The following PPP1R9B variants were observed in gnomAD, a reference collection of about 807,000 sequenced individuals.
PPP1R9B encodes protein phosphatase 1 regulatory subunit 9B, also known as neurabin-2.
In PPP1R9B, 17 loss-of-function variants were observed where a neutral mutation model predicts 75.8. The observed-to-expected ratio is 0.22, with a 90% confidence interval of 0.15 to 0.34. The LOEUF (loss-of-function observed/expected upper bound fraction) is 0.34. PPP1R9B is among the 10% of genes least tolerant of loss of function. The pLI, the probability that PPP1R9B is intolerant of heterozygous loss-of-function variation, is 1.00. For missense variants in PPP1R9B, 875 were observed against 1,196.0 expected (o/e 0.73, Z 3.96); for synonymous variants, 509 against 535.4 (o/e 0.95, Z 0.68).
At position 50,142,950 on chromosome 17, in the gene PPP1R9B, C is replaced by T. The variant is rs1912423319; in HGVS notation, c.1625+648G>A. Among the ~76,000 whole-genome samples, 1 of 152,182 alleles carries T rather than the reference C, an allele frequency of 6.6e-6. No individual in the cohort carries two copies. The highest frequency in any genetic ancestry group is 1.5e-5 in the Non-Finnish European group (1 of 68,030). On this transcript the variant is annotated intron_variant, in intron 3 of 9. Coordinates refer to ENST00000612501, the MANE Select transcript of PPP1R9B (RefSeq NM_032595.5). This position sits in a 1 kb window ranked among gnomAD's most constrained non-coding sequence, Gnocchi z 4.1. ...AGCCACACCTGCCTGCTCATGGCGC[C>T]ACTGCCTGGAACCTCTGCACTCACT... is the stretch of plus-strand genomic sequence containing the variant.
chr17:50,146,951 G>A (rs186911548), intron 1 of PPP1R9B, among the ~76,000 whole-genome samples: 164 of 152,240 alleles, frequency 1.1e-3, no homozygotes, highest in Non-Finnish European at 1.8e-3. Context: ...GGAGTCCCCT[G>A]ACTCTCACCC....
chr17:50,149,186 G>A lies in PPP1R9B; in HGVS notation c.1328C>T (p.Pro443Leu), dbSNP rs774774430. The A allele has an allele frequency of 6.3e-7, 1 of 1,582,318 alleles. No individual in the cohort carries two copies. The highest frequency in any genetic ancestry group is 1.1e-5 in the South Asian group (1 of 87,930). ...GAAATGGATCTTCCGGCTCGGGGCT[G>A]GGTCCTCCTCCTCCGACAGCCCCGG... is the stretch of plus-strand genomic sequence containing the variant. ...EIPGLSEEED[P>L]APSRKIHFST... is the part of the protein sequence containing the mutation. Residue 443 changes from proline (P) to leucine (L), a missense_variant, in exon 1 of 10, where the codon CCA (proline) becomes CTA (leucine). By Grantham distance (98) the Pro-to-Leu change is moderately conservative. Transcript: ENST00000612501. The surrounding 1 kb of genome is among the most constrained non-coding windows in gnomAD (Gnocchi z 7.2).
chr17:50,140,544 A>C (rs1912348578), intron 4 of PPP1R9B, among the ~76,000 whole-genome samples: 1 of 152,122 alleles, frequency 6.6e-6, no homozygotes, highest in African/African-American at 2.4e-5. Flanking sequence ...GGAGAAAATG[A>C]GGCAGGGAAA....
Position 50,135,801 on chromosome 17 carries a change from T to C in PPP1R9B, c.2304-152A>G. 4 of 877,250 alleles carry C rather than the reference T, an allele frequency of 4.6e-6. 1 individual carries two copies. The highest frequency in any genetic ancestry group is 1.7e-5 in the South Asian group (1 of 57,732). The allele number at this position is 877,250 out of a possible 1,614,324, so 54.3% of individuals were successfully genotyped here. On this transcript the variant is annotated intron_variant, in intron 8 of 9. Transcript: ENST00000612501. Reference sequence around the variant, plus strand: ...GGTTTTCCCAAAGCCTCTGGGGGTCTGGCTCTGTGCTGGCTCTGATGCCTG... The same window carrying C: ...GGTTTTCCCAAAGCCTCTGGGGGTCCGGCTCTGTGCTGGCTCTGATGCCTG...
intron 4 of PPP1R9B, among the ~76,000 whole-genome samples, chr17:50,141,007 C>G (rs1263514812): frequency 6.6e-6 from 1 of 152,050 alleles, no homozygotes; most frequent in Non-Finnish European, 1.5e-5. Flanking sequence ...GGAGAAGAAG[C>G]CCTAGAGGAC....
At chr17:50,147,410 G>A (rs1912543556) in intron 1 of PPP1R9B, among the ~76,000 whole-genome samples, 1 of 152,216 alleles carries the variant, frequency 6.6e-6, no homozygotes. Context: ...TGGGGCCCCT[G>A]TGCCAGGGTG....
Position 50,149,986 on chromosome 17 carries a change from G to A in PPP1R9B, c.528C>T (p.Ala176=). 3 of 1,505,996 alleles carry A rather than the reference G, an allele frequency of 2.0e-6. No individual in the cohort carries two copies. The highest frequency in any genetic ancestry group is 2.6e-6 in the Non-Finnish European group (3 of 1,136,426). 93.3% of individuals were successfully genotyped at this position (1,505,996 alleles called of 1,614,324 possible). ...AARRLLRQER[A]GLQDRKLDVV... ...CGTCCAGCTTCCGGTCCTGCAGGCC[G>A]GCGCGCTCCTGCCTCAGCAGCCGCC... The change falls in exon 1 of 10, where the codon GCC becomes GCT. Residue 176 remains alanine (A), a synonymous_variant. Transcript: ENST00000612501. The surrounding 1 kb of genome is among the most constrained non-coding windows in gnomAD (Gnocchi z 7.2).
Position 50,144,374 on chromosome 17 carries a change from A to G in PPP1R9B, c.1505-656T>C, listed in dbSNP as rs949733488. Reference sequence around the variant, plus strand: ...CTGGAGATCTTTCCAGTCCACCCACACCCGCTCTGCCATCTTCCTGTCCAC... The same window carrying G: ...CTGGAGATCTTTCCAGTCCACCCACGCCCGCTCTGCCATCTTCCTGTCCAC... On this transcript the variant is annotated intron_variant, in intron 2 of 9. Transcript: ENST00000612501. 5.3e-5 allele frequency among the ~76,000 whole-genome samples: 8 copies of G among 151,576 alleles called. No individual in the cohort carries two copies. In the Middle Eastern group the frequency reaches 0.01, roughly 193 times the overall value.
At chr17:50,135,500 C>G in intron 9 of PPP1R9B, 53 bp downstream of exon 9, 1 of 1,584,982 alleles carries the variant, frequency 6.3e-7, no homozygotes. Flanking sequence ...AGGGTAGGGG[C>G]TTCAATGCTG....
In PPP1R9B at chr17:50,139,696, T is replaced by A; in HGVS notation, c.1867-115A>T. On this transcript the variant is annotated intron_variant, in intron 5 of 9. Coordinates refer to ENST00000612501, the MANE Select transcript of PPP1R9B (RefSeq NM_032595.5). The surrounding 1 kb of genome is among the most constrained non-coding windows in gnomAD (Gnocchi z 5.0). ...ACAGAGAGCTACCCAGGAATGTGGT[T>A]CATGCCTCCCACTTCAGCCTGAGGC... The A allele has an allele frequency of 8.2e-7, 1 of 1,215,876 alleles. No individual in the cohort carries two copies. Among genetic ancestry groups the A allele is most frequent in the Non-Finnish European group, 1.1e-6 (1 of 878,042 alleles). 75.3% of individuals were successfully genotyped at this position (1,215,876 alleles called of 1,614,324 possible).
rs974548880 is a variant in PPP1R9B at position 50,139,206 on chromosome 17, C to T, written c.2073+57G>A. 5 of 1,603,000 alleles carry T rather than the reference C, an allele frequency of 3.1e-6. 1 individual carries two copies. The Admixed American group carries it at 8.3e-5, about 27-fold the overall frequency. Reference sequence around the variant, plus strand: ...TGTGCAGGTGTGAGGGTAGGGGGACCCTGCTCCTCAACACACACATGCACG... The same window carrying T: ...TGTGCAGGTGTGAGGGTAGGGGGACTCTGCTCCTCAACACACACATGCACG... On this transcript the variant is annotated intron_variant, in intron 7 of 9. Coordinates refer to ENST00000612501, the MANE Select transcript of PPP1R9B (RefSeq NM_032595.5). This position sits in a 1 kb window ranked among gnomAD's most constrained non-coding sequence, Gnocchi z 5.0.
At position 50,149,016 on chromosome 17, in the gene PPP1R9B, C is replaced by T; in HGVS notation, c.1371+127G>A. The stretch of plus-strand genomic sequence containing the variant: ...CACGCCCCCCTGAGGGTGGGAACTT[C>T]TGGGAAGGGGGCTGGGTGGCAGGGG... On this transcript the variant is annotated intron_variant, in intron 1 of 9. Transcript: ENST00000612501. This position sits in a 1 kb window ranked among gnomAD's most constrained non-coding sequence, Gnocchi z 7.2. 1.5e-6 allele frequency: 1 copy of T among 649,680 alleles called. No individual in the cohort carries two copies. 40.2% of individuals were successfully genotyped at this position (649,680 alleles called of 1,614,324 possible).
Position 50,136,046 on chromosome 17 carries a change from C to T in PPP1R9B, c.2225G>A (p.Arg742Gln), listed in dbSNP as rs1240482007. Reference sequence around the variant, plus strand: ...GGCCTGGTACTGCGCCTGAGTCTCCCGCAGGTGCTCGTCCACAGCCTGGCA... The same window carrying T: ...GGCCTGGTACTGCGCCTGAGTCTCCTGCAGGTGCTCGTCCACAGCCTGGCA... Reference protein sequence around the residue: ...SLCQAVDEHLRETQAQYQALE... With the variant: ...SLCQAVDEHLQETQAQYQALE... The change falls in exon 8 of 10, where the codon CGG becomes CAG. Residue 742 changes from arginine (R) to glutamine (Q), a missense_variant. This residue lies in a region of PPP1R9B where 218 missense variants were observed against 334.6 expected (regional missense o/e 0.65). Transcript: ENST00000612501. The T allele has an allele frequency of 3.7e-6, 6 of 1,611,312 alleles. No individual in the cohort carries two copies. The East Asian group carries it at 6.7e-5, about 18-fold the overall frequency.
intron 3 of PPP1R9B, 70 bp downstream of exon 3, chr17:50,143,528 G>T: frequency 3.2e-5 from 47 of 1,480,754 alleles, no homozygotes; most frequent in Non-Finnish European, 3.7e-5. Flanking sequence ...CCTGCTCAGT[G>T]GCCCACCCCA....
chr17:50,146,718 C>G (rs757116410), intron 1 of PPP1R9B, among the ~76,000 whole-genome samples: 14 of 152,204 alleles, frequency 9.2e-5, no homozygotes, highest in Non-Finnish European at 1.9e-4. Context: ...CATTGCACCC[C>G]TCGAACAAAC....
chr17:50,149,438 A>C lies in PPP1R9B; in HGVS notation c.1076T>G (p.Val359Gly), dbSNP rs771832824. Residue 359 changes from valine to glycine, a missense_variant, in exon 1 of 10, where the codon GTA (valine) becomes GGA (glycine). By Grantham distance (109) the Val-to-Gly change is moderately radical. This residue lies in a region of PPP1R9B where 449 missense variants were observed against 475.0 expected (regional missense o/e 0.95). Coordinates refer to ENST00000612501, the MANE Select transcript of PPP1R9B (RefSeq NM_032595.5). This position sits in a 1 kb window ranked among gnomAD's most constrained non-coding sequence, Gnocchi z 7.2. ...QAAPEKEAAA[V>G]APPERGVGNG... is the part of the protein sequence containing the mutation. ...GCCCACCCCCCTCTCTGGCGGCGCT[A>C]CCGCCGCCGCCTCCTTCTCCGGGGC... 1.2e-6 allele frequency: 2 copies of C among 1,604,352 alleles called. No individual in the cohort carries two copies.
rs1229685816 is a variant in PPP1R9B at position 50,140,343 on chromosome 17, AG to A, written c.1731-116del. On this transcript the variant is annotated intron_variant, in intron 4 of 9. Coordinates refer to ENST00000612501, the MANE Select transcript of PPP1R9B (RefSeq NM_032595.5). ...GCCCTCCCAGGGGAGGAGAGATGAG[AG>A]GGCTGAGTCCGAAGGCTGCAGTGTT... 6 of 1,328,526 alleles carry A rather than the reference AG, an allele frequency of 4.5e-6. No homozygotes were observed. The East Asian group carries it at 1.5e-4, about 34-fold the overall frequency. The allele number at this position is 1,328,526 out of a possible 1,614,324, so 82.3% of individuals were successfully genotyped here. A position where few individuals can be genotyped will look rare whatever the true frequency, so the allele number is the denominator to read the frequency against.
At chr17:50,135,409 G>A (rs1912196167) in intron 9 of PPP1R9B, 25 bp from the exon 10 acceptor site, 4 of 1,611,004 alleles carry the variant, frequency 2.5e-6, no homozygotes, top group Non-Finnish European at 3.4e-6. Context: ...AGGGTAGGGG[G>A]TCAGGTCTGG....
chr17:50,137,143 C>T (rs1912252483), intron 7 of PPP1R9B: 3 of 152,478 alleles, frequency 2.0e-5, no homozygotes. Flanking sequence ...CTAGTTATTT[C>T]CCTCTAGCTC....
Sources: allele counts gnomAD v4.1 joint callset (sites outside exome capture counted in the v4.1 genomes callset), GRCh38; gene constraint gnomAD v4.1.1; regional missense constraint gnomAD v4.1.1; non-coding constraint Gnocchi (gnomAD v3.1); transcripts MANE v1.5; gene names NCBI Gene and HGNC (gene_info 2026-07-23, HGNC 2026-07-21).